The following DCDC1 variants were observed in gnomAD, a reference collection of about 807,000 sequenced individuals.
The protein encoded by DCDC1 is doublecortin domain-containing protein 1.
In DCDC1, 200 loss-of-function variants were observed where a neutral mutation model predicts 178.3. The ratio of observed to expected loss-of-function variants is 1.12; its 90% CI spans 1.00 to 1.26. The LOEUF (loss-of-function observed/expected upper bound fraction) is 1.26. DCDC1 is among the 50% of genes most tolerant of loss of function. DCDC1 has a pLI of 0.00. For synonymous variants in DCDC1, 690 were observed against 604.8 expected (o/e 1.14, Z -2.07); for missense variants, 1,983 against 1,749.2 (o/e 1.13, Z -2.38).
At chr11:31,196,642 G>A (rs970012388) in intron 9 of DCDC1, among the ~76,000 whole-genome samples, 1 of 152,024 alleles carries the variant, frequency 6.6e-6, no homozygotes, top group Non-Finnish European at 1.5e-5. Context: ...TGAGAGAGGT[G>A]CAAAATTTCT....
chr11:31,284,231 T>C (rs1946661419), intron 7 of DCDC1, among the ~76,000 whole-genome samples: 2 of 152,168 alleles, frequency 1.3e-5, no homozygotes, highest in South Asian at 4.1e-4. Context: ...ACAGGACACA[T>C]TAGGAATTAA....
intron 35 of DCDC1, 66 bp from the exon 36 acceptor site, chr11:30,893,063 T>G: frequency 6.5e-7 from 1 of 1,548,230 alleles, no homozygotes; most frequent in Non-Finnish European, 8.7e-7. Context: ...GTGAAGAATG[T>G]GATAAAATCC....
At chr11:31,294,150 GAC>G (rs1021985350) in intron 6 of DCDC1, among the ~76,000 whole-genome samples, 20 of 152,134 alleles carry the variant, frequency 1.3e-4, no homozygotes, top group Non-Finnish European at 2.5e-4. Flanking sequence ...CAGAGAAACT[GAC>G]AGTGTAAGGT....
At chr11:31,079,754 CA>C in intron 17 of DCDC1, among the ~76,000 whole-genome samples, 1 of 151,410 alleles carries the variant, frequency 6.6e-6, no homozygotes, top group South Asian at 2.1e-4. Context: ...GAGAAAACTA[CA>C]AAAATATTAT....
chr11:31,060,582 A>C (rs538635458), intron 20 of DCDC1, among the ~76,000 whole-genome samples: 1 of 152,304 alleles, frequency 6.6e-6, no homozygotes, highest in African/African-American at 2.4e-5. Flanking sequence ...GTGAAACAAA[A>C]TGTAACATGA....
intron 20 of DCDC1, among the ~76,000 whole-genome samples, chr11:31,014,745 T>C (rs918306779): frequency 3.3e-5 from 5 of 152,168 alleles, no homozygotes; most frequent in Non-Finnish European, 7.3e-5. Flanking sequence ...ATCAGTTAGA[T>C]GCACAACCAT....
chr11:30,973,133 G>A (rs1047624466), intron 20 of DCDC1, among the ~76,000 whole-genome samples: 2 of 151,798 alleles, frequency 1.3e-5, no homozygotes, highest in African/African-American at 2.4e-5. Context: ...TTAGCCAGGC[G>A]TGATGGTGTG....
intron 8 of DCDC1, chr11:31,263,113 G>A (rs1327266613): frequency 1.9e-6 from 3 of 1,603,744 alleles, no homozygotes; most frequent in Non-Finnish European, 2.6e-6. Flanking sequence ...TATTTGGGAG[G>A]AGAAAAATAA....
At chr11:31,164,521 T>C (rs778214512) in intron 9 of DCDC1, among the ~76,000 whole-genome samples, 1 of 152,106 alleles carries the variant, frequency 6.6e-6, no homozygotes, top group Non-Finnish European at 1.5e-5. Flanking sequence ...CAGCCTAATA[T>C]GTGTGTTTGT....
At chr11:31,357,821 G>C (rs1951470112) in intron 1 of DCDC1, among the ~76,000 whole-genome samples, 2 of 151,616 alleles carry the variant, frequency 1.3e-5, no homozygotes, top group Admixed American at 1.3e-4. Context: ...CAAATCATGA[G>C]TGAACTCCCA....
chr11:31,303,950 A>G (rs1381615211), intron 6 of DCDC1, among the ~76,000 whole-genome samples: 2 of 152,182 alleles, frequency 1.3e-5, no homozygotes, highest in East Asian at 3.8e-4. Context: ...CCAGCAAGAG[A>G]TGGTGTGAAA....
At chr11:30,949,095 A>T (rs1948246324) in intron 21 of DCDC1, among the ~76,000 whole-genome samples, 1 of 152,228 alleles carries the variant, frequency 6.6e-6, no homozygotes, top group Non-Finnish European at 1.5e-5. Context: ...ACATTTTTGC[A>T]ATCTATCCAT....
rs775937603 is a variant in DCDC1, at chr11:30,905,105, C to A, written c.4164G>T (p.Leu1388Phe). ...GCGTGCAGGTCTTCATCCGTAAAGACAATAGACGTGCTTGGTAGTAACTTA... is the reference window on the plus strand; with the variant it reads ...GCGTGCAGGTCTTCATCCGTAAAGAAAATAGACGTGCTTGGTAGTAACTTA... ...KTLSYYQARL[L>F]SLRMKTCTQA... Residue 1388 changes from leucine to phenylalanine, a missense_variant, in exon 31 of 39, where the codon TTG becomes TTT. Transcript: ENST00000684477. 2 of 1,613,578 alleles carry A rather than the reference C, an allele frequency of 1.2e-6. No homozygotes were observed. The highest frequency in any genetic ancestry group is 8.5e-7 in the Non-Finnish European group (1 of 1,179,680).
At chr11:31,346,463 C>CAAAAAAAAAAAAAAAAAAAAA (rs377761189) in intron 1 of DCDC1, among the ~76,000 whole-genome samples, 1 of 83,748 alleles carries the variant, frequency 1.2e-5, no homozygotes. Flanking sequence ...GACTCCGTCT[C>CAAAAAAAAAAAAAAAAAAAAA]AAAAAAAAAA....
At chr11:31,009,378 CA>C (rs1386217683) in intron 20 of DCDC1, among the ~76,000 whole-genome samples, 1 of 151,842 alleles carries the variant, frequency 6.6e-6, no homozygotes, top group Non-Finnish European at 1.5e-5. Context: ...TGCTACATAA[CA>C]AATTATCACA....
chr11:31,220,420 A>G (rs1488035596), intron 9 of DCDC1, among the ~76,000 whole-genome samples: 1 of 152,216 alleles, frequency 6.6e-6, no homozygotes, highest in Non-Finnish European at 1.5e-5. Flanking sequence ...AAAGATGTAA[A>G]CATCATCACT....
At chr11:31,110,081 T>G (rs1259957714) in intron 12 of DCDC1, among the ~76,000 whole-genome samples, 179 bp downstream of exon 12, 1 of 152,224 alleles carries the variant, frequency 6.6e-6, no homozygotes, top group African/African-American at 2.4e-5. Context: ...GTTCAGGAGT[T>G]AACACTATAC....
chr11:31,250,421 C>CATATACAT (rs1943920511), intron 8 of DCDC1, among the ~76,000 whole-genome samples: 14 of 52,948 alleles, frequency 2.6e-4, no homozygotes, highest in African/African-American at 6.6e-4. Flanking sequence ...CACACATATA[C>CATATACAT]ATATATATGT....
chr11:30,869,002 G>A (rs1194471412), intron 38 of DCDC1, among the ~76,000 whole-genome samples: 1 of 152,218 alleles, frequency 6.6e-6, no homozygotes, highest in Non-Finnish European at 1.5e-5. Flanking sequence ...GTGGTTCAGA[G>A]AGCAGCCTCT....
Sources: allele counts gnomAD v4.1 joint callset (sites outside exome capture counted in the v4.1 genomes callset), GRCh38; gene constraint gnomAD v4.1.1; transcripts MANE v1.5; gene names NCBI Gene and HGNC (gene_info 2026-07-23, HGNC 2026-07-21).